The following CSMD1 variants were observed in gnomAD, a reference collection of about 807,000 sequenced individuals.
CSMD1 encodes CUB and Sushi multiple domains 1.
A neutral mutation model predicts 417.5 loss-of-function variants in CSMD1; 213 were observed. That is an observed-to-expected ratio of 0.51 (90% CI 0.46 to 0.57). The LOEUF (loss-of-function observed/expected upper bound fraction) is 0.57. Ranked by LOEUF, CSMD1 falls within the 20% of genes least tolerant of loss-of-function variation. CSMD1 has a pLI of 0.00. For missense variants in CSMD1, 6,923 were observed against 4,529.7 expected, an observed-to-expected ratio of 1.53 and a Z score of -15.17; for synonymous variants, 2,862 against 1,736.8, an observed-to-expected ratio of 1.65 and a Z score of -16.11.
intron 1 of CSMD1, chr8:4,787,709 C>T: frequency 1.3e-6 from 2 of 1,591,068 alleles, no homozygotes; most frequent in Admixed American, 3.3e-5. Context: ...TTCAAGGATG[C>T]TGCCAATAAT....
chr8:4,414,300 G>A (rs1280539725), intron 3 of CSMD1, among the ~76,000 whole-genome samples: 4 of 152,094 alleles, frequency 2.6e-5, no homozygotes, highest in Admixed American at 6.5e-5. Flanking sequence ...AGGAAGCCCC[G>A]CCCATCCTAA....
intron 49 of CSMD1, among the ~76,000 whole-genome samples, chr8:3,064,889 CTT>C (rs33934672): frequency 6.6e-6 from 1 of 151,302 alleles, no homozygotes; most frequent in Non-Finnish European, 1.5e-5. Context: ...GACCAAAAAT[CTT>C]TTTTTTTCCT....
At chr8:3,934,215 C>T (rs1810335976) in intron 5 of CSMD1, among the ~76,000 whole-genome samples, 1 of 152,176 alleles carries the variant, frequency 6.6e-6, no homozygotes, top group Non-Finnish European at 1.5e-5. Context: ...TACACTCCTA[C>T]CTAATCAATG....
chr8:3,858,480 T>C (rs1017751634), intron 5 of CSMD1, among the ~76,000 whole-genome samples: 11 of 152,172 alleles, frequency 7.2e-5, no homozygotes, highest in African/African-American at 2.7e-4. Context: ...CTTTAGATAA[T>C]AATTCCAACC....
chr8:4,652,927 T>C (rs900557467), intron 1 of CSMD1, among the ~76,000 whole-genome samples: 1 of 151,248 alleles, frequency 6.6e-6, no homozygotes. Context: ...GGAGTTCAGG[T>C]GGTAATGTGA....
intron 26 of CSMD1, among the ~76,000 whole-genome samples, chr8:3,256,597 C>G (rs765601459): frequency 5.3e-5 from 8 of 152,326 alleles, no homozygotes; most frequent in Middle Eastern, 6.8e-3. Context: ...ACCAACAACA[C>G]TGGCTGTTTC....
chr8:3,862,902 C>T (rs1241312453), intron 5 of CSMD1, among the ~76,000 whole-genome samples: 4 of 152,084 alleles, frequency 2.6e-5, no homozygotes, highest in Non-Finnish European at 5.9e-5. Flanking sequence ...ATTCCAGGAC[C>T]TATAGCAAAT....
At chr8:3,242,029 C>T (rs551841597) in intron 26 of CSMD1, among the ~76,000 whole-genome samples, 14 of 74,384 alleles carry the variant, frequency 1.9e-4, no homozygotes, top group African/African-American at 5.2e-4. Context: ...GCCAAACGAG[C>T]CATGAACTGG....
intron 12 of CSMD1, among the ~76,000 whole-genome samples, chr8:3,448,961 G>C (rs759478893): frequency 6.6e-6 from 1 of 152,208 alleles, no homozygotes; most frequent in Non-Finnish European, 1.5e-5. Context: ...GAAGGTGACA[G>C]CCAATCGCAA....
In CSMD1 at chr8:2,942,577, G is replaced by T. The variant is rs1237976652; in HGVS notation, c.10430C>A (p.Ser3477Tyr). 12 of 1,599,488 alleles carry T rather than the reference G, an allele frequency of 7.5e-6. No individual in the cohort carries two copies. Among genetic ancestry groups the T allele is most frequent in the South Asian group, 1.1e-5 (1 of 88,758 alleles). Reference protein sequence around the residue: ...QDPLNPDQDSSSHYHGTSSGS... With the variant: ...QDPLNPDQDSYSHYHGTSSGS... Reference sequence around the variant, plus strand: ...ACTGCTGGTGCCGTGGTAATGACTGGAAGAGTCTTGATCTGGGTTTAAAGG... The same window carrying T: ...ACTGCTGGTGCCGTGGTAATGACTGTAAGAGTCTTGATCTGGGTTTAAAGG... The change falls in exon 69 of 70, where the codon TCC becomes TAC. Residue 3477 changes from serine to tyrosine, a missense_variant. Coordinates refer to ENST00000635120, the MANE Select transcript of CSMD1 (RefSeq NM_033225.6).
intron 3 of CSMD1, among the ~76,000 whole-genome samples, chr8:4,218,935 T>C (rs1372712130): frequency 1.3e-5 from 2 of 152,222 alleles, no homozygotes; most frequent in Non-Finnish European, 2.9e-5. Flanking sequence ...GGGGTCATTC[T>C]CTGAGCAATG....
chr8:4,507,924 G>C (rs530258837), intron 2 of CSMD1, among the ~76,000 whole-genome samples: 1 of 152,032 alleles, frequency 6.6e-6, no homozygotes, highest in Non-Finnish European at 1.5e-5. Flanking sequence ...ATGTGAATAG[G>C]CAGTGAAAAT....
intron 2 of CSMD1, among the ~76,000 whole-genome samples, chr8:4,521,925 T>A (rs1056860908): frequency 6.6e-6 from 1 of 152,214 alleles, no homozygotes; most frequent in South Asian, 2.1e-4. Context: ...AGAAGATGTG[T>A]ACATTTTAAG....
At chr8:3,021,609 C>A (rs1585167456) in intron 51 of CSMD1, among the ~76,000 whole-genome samples, 1 of 152,322 alleles carries the variant, frequency 6.6e-6, no homozygotes, top group East Asian at 1.9e-4. Flanking sequence ...AAAAAAGACA[C>A]TTGGCTGACA....
chr8:4,866,526 G>C (rs1802429823), intron 1 of CSMD1, among the ~76,000 whole-genome samples: 1 of 151,692 alleles, frequency 6.6e-6, no homozygotes, highest in East Asian at 1.9e-4. Context: ...CACAACATAA[G>C]TGTTATTGGC....
At chr8:3,876,310 G>C (rs990552620) in intron 5 of CSMD1, among the ~76,000 whole-genome samples, 1 of 152,128 alleles carries the variant, frequency 6.6e-6, no homozygotes, top group Non-Finnish European at 1.5e-5. Context: ...ATGGGAAAAG[G>C]TGATGCACAT....
chr8:4,659,695 A>G (rs1317781036), intron 1 of CSMD1, among the ~76,000 whole-genome samples: 2 of 152,168 alleles, frequency 1.3e-5, no homozygotes, highest in African/African-American at 4.8e-5. Context: ...TTTGGATGAT[A>G]AACTGTTTCT....
At chr8:3,040,628 C>A (rs11996637) in intron 50 of CSMD1, among the ~76,000 whole-genome samples, 6,028 of 151,810 alleles carry the variant, frequency 0.04, 412 homozygotes, top group African/African-American at 0.13. Flanking sequence ...CATGATGAAA[C>A]CCCGTCTCTA....
intron 3 of CSMD1, among the ~76,000 whole-genome samples, chr8:4,404,801 G>A (rs1455839315): frequency 2.0e-5 from 3 of 152,048 alleles, no homozygotes; most frequent in East Asian, 1.9e-4. Flanking sequence ...AACTAAATAT[G>A]TTCTATGGGT....
Sources: allele counts gnomAD v4.1 joint callset (sites outside exome capture counted in the v4.1 genomes callset), GRCh38; gene constraint gnomAD v4.1.1; transcripts MANE v1.5; gene names NCBI Gene and HGNC (gene_info 2026-07-23, HGNC 2026-07-21).